LRRC4C: variants seen among roughly 807,000 people sequenced by gnomAD.
LRRC4C encodes leucine-rich repeat-containing protein 4C.
A neutral mutation model predicts 33.6 loss-of-function variants in LRRC4C; 5 were observed. That is an observed-to-expected ratio of 0.15 (90% CI 0.08 to 0.31). The LOEUF (loss-of-function observed/expected upper bound fraction) is 0.31, where lower values mean the gene tolerates loss of function less well. Among genes scored for constraint, LRRC4C ranks in the 10% least tolerant of loss-of-function variants. The probability of loss-of-function intolerance (pLI) is 1.00; values close to 1 mark genes in which losing one functional copy is unlikely to be tolerated. For synonymous variants in LRRC4C, 329 were observed against 302.0 expected, an observed-to-expected ratio of 1.09 and a Z score of -0.93; for missense variants, 560 against 796.7, an observed-to-expected ratio of 0.70 and a Z score of 3.58.
intron 3 of LRRC4C, among the ~76,000 whole-genome samples, chr11:40,510,327 T>A (rs2135129533): frequency 6.6e-6 from 1 of 151,802 alleles, no homozygotes; most frequent in East Asian, 1.9e-4. Flanking sequence ...AAGTAATGTG[T>A]ATGAGATGGC....
chr11:40,722,880 A>G (rs556088057), intron 2 of LRRC4C, among the ~76,000 whole-genome samples: 1 of 152,264 alleles, frequency 6.6e-6, no homozygotes, highest in Non-Finnish European at 1.5e-5. Context: ...AATTTAAAAG[A>G]TGGCATAGCT....
intron 3 of LRRC4C, among the ~76,000 whole-genome samples, chr11:40,370,405 T>C (rs1349816652): frequency 6.6e-6 from 1 of 152,212 alleles, no homozygotes; most frequent in African/African-American, 2.4e-5. Flanking sequence ...AGATGTTATT[T>C]TGAGCAAGTT....
intron 2 of LRRC4C, among the ~76,000 whole-genome samples, chr11:40,770,842 G>A (rs2137166355): frequency 6.6e-6 from 1 of 152,248 alleles, no homozygotes; most frequent in Admixed American, 6.5e-5. Context: ...CACACTGATG[G>A]AAGAGGTGGG....
At chr11:41,408,140 C>G (rs1432853883) in intron 1 of LRRC4C, among the ~76,000 whole-genome samples, 1 of 152,084 alleles carries the variant, frequency 6.6e-6, no homozygotes, top group Non-Finnish European at 1.5e-5. Context: ...AAGATGTGTA[C>G]AGGGTGAAAC....
chr11:40,129,927 T>A (rs1856530364), intron 6 of LRRC4C, among the ~76,000 whole-genome samples: 1 of 151,986 alleles, frequency 6.6e-6, no homozygotes, highest in Non-Finnish European at 1.5e-5. Context: ...ATAAAAATAA[T>A]TTGTTTTTTT....
chr11:40,196,381 T>C (rs1322166845), intron 5 of LRRC4C, among the ~76,000 whole-genome samples: 2 of 152,230 alleles, frequency 1.3e-5, no homozygotes, highest in Non-Finnish European at 2.9e-5. Context: ...AGAACCATTC[T>C]GGACTAGGGA....
chr11:40,973,377 A>T (rs1204092928), intron 1 of LRRC4C, among the ~76,000 whole-genome samples: 1 of 152,164 alleles, frequency 6.6e-6, no homozygotes, highest in Non-Finnish European at 1.5e-5. Context: ...AACCAAAAAA[A>T]CAAGAAATAT....
intron 2 of LRRC4C, among the ~76,000 whole-genome samples, chr11:40,810,366 G>A (rs982069810): frequency 1.3e-5 from 2 of 152,150 alleles, no homozygotes; most frequent in Non-Finnish European, 2.9e-5. Context: ...AGTTATGAAT[G>A]TAGGAGTACC....
intron 3 of LRRC4C, among the ~76,000 whole-genome samples, chr11:40,422,702 A>G (rs1374674089): frequency 6.6e-6 from 1 of 151,928 alleles, no homozygotes; most frequent in Non-Finnish European, 1.5e-5. Context: ...CAAAAAAAAA[A>G]AGCAAATTAT....
intron 5 of LRRC4C, among the ~76,000 whole-genome samples, chr11:40,185,943 T>C (rs1416951853): frequency 1.3e-5 from 2 of 152,136 alleles, no homozygotes; most frequent in Admixed American, 1.3e-4. Flanking sequence ...CACAGGAGCC[T>C]TCTCCATCCT....
At chr11:40,553,920 TTG>T (rs1409214154) in intron 3 of LRRC4C, among the ~76,000 whole-genome samples, 1 of 152,076 alleles carries the variant, frequency 6.6e-6, no homozygotes, top group Admixed American at 6.6e-5. Flanking sequence ...AGTTTCTTTT[TTG>T]TGTGTGTGCA....
At chr11:40,627,466 G>A (rs1963064906) in intron 3 of LRRC4C, among the ~76,000 whole-genome samples, 2 of 152,152 alleles carry the variant, frequency 1.3e-5, no homozygotes, top group African/African-American at 4.8e-5. Context: ...TGAGCCTTAA[G>A]TAAGTCTCAT....
chr11:41,145,661 C>T (rs1350212797), intron 1 of LRRC4C, among the ~76,000 whole-genome samples: 3 of 152,088 alleles, frequency 2.0e-5, no homozygotes, highest in Admixed American at 6.6e-5. Context: ...ATGTACATAA[C>T]GGCCTTCCTT....
chr11:40,724,687 A>T (rs1947199230), intron 2 of LRRC4C, among the ~76,000 whole-genome samples: 1 of 151,832 alleles, frequency 6.6e-6, no homozygotes, highest in African/African-American at 2.4e-5. Flanking sequence ...ATCTAACATC[A>T]CACCTAAAGG....
chr11:41,221,164 C>A (rs1021867016), intron 1 of LRRC4C, among the ~76,000 whole-genome samples: 1 of 151,814 alleles, frequency 6.6e-6, no homozygotes, highest in African/African-American at 2.4e-5. Context: ...CGAAAGGACC[C>A]AGTGTGTGTT....
At chr11:40,999,137 T>G (rs1317674041) in intron 1 of LRRC4C, among the ~76,000 whole-genome samples, 1 of 152,076 alleles carries the variant, frequency 6.6e-6, no homozygotes, top group Non-Finnish European at 1.5e-5. Flanking sequence ...TGCCTTTTCT[T>G]CTCAGCCTGA....
At chr11:41,011,407 TA>T (rs1469179646) in intron 1 of LRRC4C, among the ~76,000 whole-genome samples, 3 of 152,196 alleles carry the variant, frequency 2.0e-5, no homozygotes, top group Non-Finnish European at 2.9e-5. Context: ...CTAATTGTTC[TA>T]GTGTTTTGTA....
At position 41,032,794 on chromosome 11, in the gene LRRC4C, T is replaced by C. The variant is rs148249996; in HGVS notation, c.-495-99071A>G. Among the ~76,000 whole-genome samples, 616 of 152,216 alleles carry C rather than the reference T, an allele frequency of 4.0e-3. 1 individual carries two copies. The highest frequency in any genetic ancestry group is 5.6e-3 in the Non-Finnish European group (381 of 68,002). ...TCTGGGTTATAATTTAAATTAGTTA[T>C]GGTGAATGCATTTGCTTTACTCATT... On this transcript the variant is annotated intron_variant, in intron 1 of 6. Transcript: ENST00000528697.
chr11:41,389,707 C>T (rs1953513793), intron 1 of LRRC4C, among the ~76,000 whole-genome samples: 1 of 144,152 alleles, frequency 6.9e-6, no homozygotes, highest in East Asian at 2.2e-4. Flanking sequence ...TAATTGCTTA[C>T]ACTGAAGTAA....
Sources: allele counts gnomAD v4.1 joint callset (sites outside exome capture counted in the v4.1 genomes callset), GRCh38; gene constraint gnomAD v4.1.1; transcripts MANE v1.5; gene names NCBI Gene and HGNC (gene_info 2026-07-23, HGNC 2026-07-21).